GLIPR1L2: variants seen among roughly 807,000 people sequenced by gnomAD.
The protein encoded by GLIPR1L2 is GLIPR1-like protein 2.
In GLIPR1L2, 21 loss-of-function variants were observed where a neutral mutation model predicts 28.4. The observed-to-expected ratio is 0.74, with a 90% CI of 0.52 to 1.06. The LOEUF is 1.06. GLIPR1L2 is among the 50% of genes least tolerant of loss of function. The pLI is 0.00. For synonymous variants in GLIPR1L2, 145 were observed against 139.3 expected, an observed-to-expected ratio of 1.04 and a Z score of -0.29; for missense variants, 476 against 416.9, an observed-to-expected ratio of 1.14 and a Z score of -1.23.
chr12:75,402,777 A>C (rs2045756478), intron 1 of GLIPR1L2, among the ~76,000 whole-genome samples: 1 of 152,142 alleles, frequency 6.6e-6, no homozygotes, highest in Admixed American at 6.5e-5. Context: ...CTTCAGCAAG[A>C]ATCTTTGTAG....
chr12:75,431,123 G>C lies in GLIPR1L2; in HGVS notation c.997G>C (p.Glu333Gln). The change falls in exon 6 of 6, where the codon GAA (glutamate) becomes CAA (glutamine). Residue 333 changes from glutamate (E) to glutamine (Q), a missense_variant. Glu to Gln is a conservative substitution (Grantham distance 29). Transcript: ENST00000550916. ...AGAAGAGAGAGAGGAGGAGGAGGAGGAAACACAAAAAGAAAAGATGGAGGA... is the reference window on the plus strand; with the variant it reads ...AGAAGAGAGAGAGGAGGAGGAGGAGCAAACACAAAAAGAAAAGATGGAGGA... ...EKEEREEEEEETQKEKMEEEE... is the reference protein window; with the variant it reads ...EKEEREEEEEQTQKEKMEEEE... 6 of 913,222 alleles carry C rather than the reference G, an allele frequency of 6.6e-6. No individual in the cohort carries two copies. Among genetic ancestry groups the C allele is most frequent in the Non-Finnish European group, 1.0e-5 (6 of 594,504 alleles). 56.6% of individuals were successfully genotyped at this position (913,222 alleles called of 1,614,324 possible). A position where few individuals can be genotyped will look rare whatever the true frequency, so the allele number is the denominator to read the frequency against.
intron 1 of GLIPR1L2, among the ~76,000 whole-genome samples, chr12:75,399,903 G>T (rs2045721188): frequency 6.6e-6 from 1 of 152,100 alleles, no homozygotes; most frequent in Non-Finnish European, 1.5e-5. Flanking sequence ...TGGCTCTCTG[G>T]TCCCATTTCT....
intron 4 of GLIPR1L2, 183 bp downstream of exon 4, chr12:75,423,172 TTTCTG>T (rs2045996788): frequency 2.1e-6 from 3 of 1,459,062 alleles, no homozygotes; most frequent in Non-Finnish European, 2.7e-6. Flanking sequence ...TGCAGAGCTT[TTTCTG>T]TTCTATCTTA....
intron 2 of GLIPR1L2, among the ~76,000 whole-genome samples, chr12:75,411,516 T>C (rs1035043835): frequency 6.6e-6 from 1 of 151,832 alleles, no homozygotes; most frequent in South Asian, 2.1e-4. Context: ...ATTTCTTTCT[T>C]CTAGAAAGTT....
chr12:75,420,705 A>G (rs1325909072), intron 3 of GLIPR1L2, among the ~76,000 whole-genome samples: 1 of 152,168 alleles, frequency 6.6e-6, no homozygotes, highest in Non-Finnish European at 1.5e-5. Context: ...CAATAATTCC[A>G]ATTGAAGTTG....
intron 4 of GLIPR1L2, among the ~76,000 whole-genome samples, chr12:75,428,801 C>T (rs779504468): frequency 6.6e-6 from 1 of 152,214 alleles, no homozygotes; most frequent in Non-Finnish European, 1.5e-5. Context: ...GGCCAAGGTA[C>T]AGCTCAGGCC....
At chr12:75,404,995 T>A (rs73365998) in intron 1 of GLIPR1L2, among the ~76,000 whole-genome samples, 383 of 152,272 alleles carry the variant, frequency 2.5e-3, no homozygotes, top group African/African-American at 8.9e-3. Context: ...AAGCAGAAAA[T>A]ACCTATAAAA....
At chr12:75,416,983 G>A (rs760976070) in intron 3 of GLIPR1L2, among the ~76,000 whole-genome samples, 1 of 152,038 alleles carries the variant, frequency 6.6e-6, no homozygotes, top group Non-Finnish European at 1.5e-5. Context: ...ATACTGGGTA[G>A]AAATGAATGT....
intron 4 of GLIPR1L2, among the ~76,000 whole-genome samples, chr12:75,430,266 C>G (rs995133970): frequency 6.6e-6 from 1 of 152,032 alleles, no homozygotes; most frequent in African/African-American, 2.4e-5. Flanking sequence ...CTAACTTTAC[C>G]TTCTGGGAAA....
Sources: allele counts gnomAD v4.1 joint callset (sites outside exome capture counted in the v4.1 genomes callset), GRCh38; gene constraint gnomAD v4.1.1; transcripts MANE v1.5; gene names NCBI Gene and HGNC (gene_info 2026-07-23, HGNC 2026-07-21).